Variants in CRIM1 observed in about 807,000 individuals in gnomAD.
CRIM1 encodes the protein cysteine rich transmembrane BMP regulator 1, also known as cysteine-rich motor neuron 1 protein.
CRIM1 carries 32 observed loss-of-function variants against 116.4 expected under a neutral mutation model. That is an observed-to-expected ratio of 0.27 (90% CI 0.21 to 0.37). The LOEUF (loss-of-function observed/expected upper bound fraction) is 0.37, where lower values mean the gene tolerates loss of function less well. Among genes scored for constraint, CRIM1 ranks in the 10% least tolerant of loss-of-function variants. The pLI is 1.00. For synonymous variants in CRIM1, 590 were observed against 509.2 expected (o/e 1.16, Z -2.13); for missense variants, 1,331 against 1,354.8 (o/e 0.98, Z 0.28).
At chr2:36,367,814 T>C (rs961308681) in intron 1 of CRIM1, among the ~76,000 whole-genome samples, 2 of 152,198 alleles carry the variant, frequency 1.3e-5, no homozygotes, top group African/African-American at 4.8e-5. Flanking sequence ...CCTGAAGTCT[T>C]TTAAATCATA....
chr2:36,525,838 G>A (rs76526318), intron 13 of CRIM1, among the ~76,000 whole-genome samples: 4,602 of 152,202 alleles, frequency 0.03, 75 homozygotes, highest in African/African-American at 0.06. Context: ...GTATGCATGT[G>A]AAGTATCCTT....
chr2:36,499,145 A>T (rs1016724792), intron 7 of CRIM1, 74 bp from the exon 8 acceptor site: 3 of 1,189,906 alleles, frequency 2.5e-6, no homozygotes, highest in Admixed American at 3.8e-5. Flanking sequence ...ATGGTGTGGA[A>T]TTTCAAAAAT....
intron 2 of CRIM1, among the ~76,000 whole-genome samples, chr2:36,401,796 A>G (rs866302772): frequency 2.0e-4 from 30 of 152,236 alleles, no homozygotes; most frequent in Non-Finnish European, 2.6e-4. Context: ...AGAATATAAA[A>G]CACCCTGGAA....
At chr2:36,442,385 T>TAGAC (rs1042116255) in intron 3 of CRIM1, among the ~76,000 whole-genome samples, 1 of 152,184 alleles carries the variant, frequency 6.6e-6, no homozygotes, top group Non-Finnish European at 1.5e-5. Flanking sequence ...ATTCTTTCTC[T>TAGAC]GTCTTCATTG....
At chr2:36,501,539 C>G (rs1464015994) in intron 8 of CRIM1, among the ~76,000 whole-genome samples, 1 of 151,818 alleles carries the variant, frequency 6.6e-6, no homozygotes, top group African/African-American at 2.4e-5. Flanking sequence ...GGCAACATGG[C>G]AAAACCCCAT....
intron 14 of CRIM1, among the ~76,000 whole-genome samples, chr2:36,541,925 TTC>T (rs1666971697): frequency 6.6e-6 from 1 of 152,232 alleles, no homozygotes; most frequent in African/African-American, 2.4e-5. Flanking sequence ...GCATTCCCAC[TTC>T]TTTTTGTTTC....
chr2:36,375,484 G>A (rs997796055), intron 1 of CRIM1, among the ~76,000 whole-genome samples: 6 of 152,126 alleles, frequency 3.9e-5, no homozygotes, highest in Non-Finnish European at 8.8e-5. Flanking sequence ...AAATCACCAG[G>A]CTTCAAATAT....
At chr2:36,442,386 G>A (rs903571720) in intron 3 of CRIM1, among the ~76,000 whole-genome samples, 3 of 151,850 alleles carry the variant, frequency 2.0e-5, no homozygotes, top group African/African-American at 7.3e-5. Flanking sequence ...TTCTTTCTCT[G>A]TCTTCATTGT....
chr2:36,361,464 G>A (rs1572551833), intron 1 of CRIM1, among the ~76,000 whole-genome samples: 1 of 152,080 alleles, frequency 6.6e-6, no homozygotes, highest in African/African-American at 2.4e-5. Flanking sequence ...TGAACAGCTG[G>A]GTGAGGCAGG....
At chr2:36,489,765 G>A (rs1401880258) in intron 7 of CRIM1, among the ~76,000 whole-genome samples, 2 of 152,206 alleles carry the variant, frequency 1.3e-5, no homozygotes, top group Admixed American at 1.3e-4. Context: ...TGATGAGTTT[G>A]CCCTTGTCCC....
chr2:36,529,948 A>T (rs1191496277), intron 13 of CRIM1, among the ~76,000 whole-genome samples: 1 of 152,250 alleles, frequency 6.6e-6, no homozygotes, highest in Non-Finnish European at 1.5e-5. Context: ...ACAGCAATTA[A>T]GATTGAGGCA....
chr2:36,480,556 T>C (rs1679330788), intron 7 of CRIM1, among the ~76,000 whole-genome samples: 1 of 152,220 alleles, frequency 6.6e-6, no homozygotes, highest in Non-Finnish European at 1.5e-5. Flanking sequence ...GACTTATCTT[T>C]CCAGAAAGTC....
At chr2:36,492,325 A>G (rs1165474774) in intron 7 of CRIM1, among the ~76,000 whole-genome samples, 1 of 152,218 alleles carries the variant, frequency 6.6e-6, no homozygotes, top group South Asian at 2.1e-4. Flanking sequence ...AAAGGGAAAA[A>G]GGATAACCAA....
At chr2:36,368,911 T>C (rs1386746094) in intron 1 of CRIM1, among the ~76,000 whole-genome samples, 1 of 152,244 alleles carries the variant, frequency 6.6e-6, no homozygotes. Flanking sequence ...TATGTTGTAC[T>C]ATGGCTTGCT....
At chr2:36,499,163 C>T in intron 7 of CRIM1, 56 bp from the exon 8 acceptor site, 1 of 1,358,296 alleles carries the variant, frequency 7.4e-7, no homozygotes, top group Non-Finnish European at 1.0e-6. Context: ...AATTGAATAG[C>T]ATCTAAAAGG....
chr2:36,525,797 G>A (rs1004713523), intron 13 of CRIM1, among the ~76,000 whole-genome samples: 1 of 151,932 alleles, frequency 6.6e-6, no homozygotes, highest in Non-Finnish European at 1.5e-5. Context: ...TCACAATTAA[G>A]GGACCTCTTT....
At chr2:36,497,064 G>T (rs1680653099) in intron 7 of CRIM1, among the ~76,000 whole-genome samples, 1 of 152,008 alleles carries the variant, frequency 6.6e-6, no homozygotes, top group South Asian at 2.1e-4. Flanking sequence ...CATTTTTCAA[G>T]GTCAGTTTAA....
At chr2:36,481,981 T>G (rs964413140) in intron 7 of CRIM1, among the ~76,000 whole-genome samples, 8 of 152,248 alleles carry the variant, frequency 5.3e-5, no homozygotes, top group African/African-American at 9.6e-5. Context: ...ATCGTCCACC[T>G]ACTGTCTCCT....
chr2:36,442,427 C>A (rs1034941434), intron 3 of CRIM1, among the ~76,000 whole-genome samples, 188 bp from the exon 4 acceptor site: 2 of 152,126 alleles, frequency 1.3e-5, no homozygotes, highest in Non-Finnish European at 2.9e-5. Context: ...CCACCTCTTT[C>A]CTTACACAGA....
Sources: allele counts gnomAD v4.1 joint callset (sites outside exome capture counted in the v4.1 genomes callset), GRCh38; gene constraint gnomAD v4.1.1; transcripts MANE v1.5; gene names NCBI Gene and HGNC (gene_info 2026-07-23, HGNC 2026-07-21).